Variants in MTG1 observed in about 807,000 individuals in gnomAD.
MTG1 encodes mitochondrial ribosome associated GTPase 1.
A neutral mutation model predicts 39.5 loss-of-function variants in MTG1; 30 were observed. That is an observed-to-expected ratio of 0.76 (90% confidence interval 0.57 to 1.03). The LOEUF is 1.03. MTG1 is among the 50% of genes least tolerant of loss of function. The pLI, the probability that MTG1 is intolerant of heterozygous loss-of-function variation, is 0.00. For missense variants in MTG1, 513 were observed against 447.4 expected, an observed-to-expected ratio of 1.15 and a Z score of -1.32; for synonymous variants, 217 against 179.0, an observed-to-expected ratio of 1.21 and a Z score of -1.69.
intron 9 of MTG1, among the ~76,000 whole-genome samples, chr10:133,414,756 G>A (rs1040909773): frequency 7.9e-5 from 12 of 152,250 alleles, no homozygotes; most frequent in African/African-American, 2.7e-4. Context: ...TCGCTTCCCA[G>A]ATGGGGTGGC....
In MTG1 at chr10:133,402,960, A is replaced by G. The variant is rs560833258; in HGVS notation, c.752+187A>G. 8 of 539,792 alleles carry G rather than the reference A, an allele frequency of 1.5e-5. No homozygotes were observed. The highest frequency in any genetic ancestry group is 1.2e-4 in the East Asian group (4 of 34,072). The allele number at this position is 539,792 out of a possible 1,614,324, so 33.4% of individuals were successfully genotyped here. ...TATACGTCTGTGAAAGCAACACACA[A>G]TCAAGAAAACGAGCGTTCCCGTCAC... On this transcript the variant is annotated intron_variant, in intron 9 of 10. Transcript: ENST00000317502. This position sits in a 1 kb window ranked among gnomAD's most constrained non-coding sequence, Gnocchi z 4.7.
intron 9 of MTG1, among the ~76,000 whole-genome samples, chr10:133,409,407 A>G (rs10857710): frequency 0.046 from 6,995 of 152,238 alleles, 296 homozygotes; most frequent in African/African-American, 0.11. Flanking sequence ...AAGATACTCA[A>G]TAAGATTTTG....
chr10:133,395,964 C>G (rs1055020822), intron 2 of MTG1, among the ~76,000 whole-genome samples, 187 bp downstream of exon 2: 2 of 152,208 alleles, frequency 1.3e-5, no homozygotes, highest in African/African-American at 4.8e-5. Flanking sequence ...ATCTGCGTCA[C>G]TCAAGCCTGA....
At chr10:133,396,439 G>A (rs1197744637) in intron 3 of MTG1, among the ~76,000 whole-genome samples, 172 bp downstream of exon 3, 1 of 152,122 alleles carries the variant, frequency 6.6e-6, no homozygotes, top group African/African-American at 2.4e-5. Flanking sequence ...CTCATATGGC[G>A]TGCCCCCATC....
In MTG1 at chr10:133,395,742, C is replaced by A. The variant is rs750021542; in HGVS notation, c.142C>A (p.Leu48Met). Residue 48 changes from leucine to methionine, a missense_variant, in exon 2 of 11, where the codon CTG becomes ATG. By Grantham distance (15) the Leu-to-Met change is conservative. Transcript: ENST00000317502. ...GLKKMQSSLKLVDCIIEVHDA... is the reference protein window; with the variant it reads ...GLKKMQSSLKMVDCIIEVHDA... ...GAAGAAGATGCAGAGCAGCCTGAAG[C>A]TGGTGGACTGTATCATCGAGGTCCA... 12 of 1,614,036 alleles carry A rather than the reference C, an allele frequency of 7.4e-6. No individual in the cohort carries two copies. Among genetic ancestry groups the A allele is most frequent in the African/African-American group, 1.3e-5 (1 of 74,944 alleles).
intron 9 of MTG1, among the ~76,000 whole-genome samples, chr10:133,411,620 G>A (rs1850047903): frequency 6.6e-6 from 1 of 152,022 alleles, no homozygotes; most frequent in African/African-American, 2.4e-5. Context: ...TCTTGCATGT[G>A]TTCTTCATTC....
intron 1 of MTG1, among the ~76,000 whole-genome samples, chr10:133,395,264 G>A (rs146251668): frequency 0.022 from 3,352 of 152,234 alleles, 44 homozygotes; most frequent in Non-Finnish European, 0.034. Context: ...GCATGGTGGC[G>A]CGTCCCTGTA....
intron 1 of MTG1, among the ~76,000 whole-genome samples, chr10:133,395,125 G>T (rs1439424315): frequency 6.6e-6 from 1 of 152,220 alleles, no homozygotes; most frequent in Non-Finnish European, 1.5e-5. Flanking sequence ...GCCCGGCCCG[G>T]TGGCTCACGC....
At chr10:133,399,033 G>C in intron 4 of MTG1, 137 bp from the exon 5 acceptor site, 1 of 918,650 alleles carries the variant, frequency 1.1e-6, no homozygotes, top group Non-Finnish European at 1.7e-6. Context: ...TTCCAGATAG[G>C]AGGTTTCTGT....
chr10:133,416,223 G>C (rs1244584454), intron 9 of MTG1, among the ~76,000 whole-genome samples: 1 of 151,902 alleles, frequency 6.6e-6, no homozygotes, highest in Non-Finnish European at 1.5e-5. Flanking sequence ...AGTTGAGTTT[G>C]GATCGTTTTA....
At chr10:133,407,901 T>C (rs561282280) in intron 9 of MTG1, among the ~76,000 whole-genome samples, 4 of 152,354 alleles carry the variant, frequency 2.6e-5, no homozygotes, top group African/African-American at 9.6e-5. Context: ...TGCTGCTGAT[T>C]TTTTTATGTT....
At position 133,420,225 on chromosome 10, in the gene MTG1, G is replaced by A; in HGVS notation, c.*60G>A. ...CCTCCCAGACCTCCTGACCTGGGTGGTTGAGGCTCAAGACAGCTCACCCGG... is the reference window on the plus strand; with the variant it reads ...CCTCCCAGACCTCCTGACCTGGGTGATTGAGGCTCAAGACAGCTCACCCGG... On this transcript the variant is annotated 3_prime_UTR_variant, in exon 11 of 11. Transcript: ENST00000317502. The A allele has an allele frequency of 1.3e-6, 2 of 1,538,950 alleles. No homozygotes were observed. Among genetic ancestry groups the A allele is most frequent in the South Asian group, 1.2e-5 (1 of 81,274 alleles).
At chr10:133,401,193 G>A (rs1849869616) in intron 6 of MTG1, among the ~76,000 whole-genome samples, 1 of 152,220 alleles carries the variant, frequency 6.6e-6, no homozygotes, top group African/African-American at 2.4e-5. Flanking sequence ...GACCTCCGCA[G>A]TCTGACAGTG....
In MTG1 at chr10:133,402,522, G is replaced by A; in HGVS notation, c.671-170G>A. ...GTCGCAGGTGCCAGGCAGGAGTGGG[G>A]GCCGGGACCACAGCCGAGTGCCGTC... On this transcript the variant is annotated intron_variant, in intron 8 of 10. Transcript: ENST00000317502. The surrounding 1 kb of genome is among the most constrained non-coding windows in gnomAD (Gnocchi z 4.7). 1 of 720,028 alleles carries A rather than the reference G, an allele frequency of 1.4e-6. No homozygotes were observed. The highest frequency in any genetic ancestry group is 2.3e-6 in the Non-Finnish European group (1 of 434,498). The allele number at this position is 720,028 out of a possible 1,614,324, so 44.6% of individuals were successfully genotyped here. A position where few individuals can be genotyped will look rare whatever the true frequency, so the allele number is the denominator to read the frequency against.
intron 6 of MTG1, among the ~76,000 whole-genome samples, chr10:133,400,683 G>A (rs939821661): frequency 6.6e-6 from 1 of 152,120 alleles, no homozygotes; most frequent in Admixed American, 6.5e-5. Context: ...CATTTATAGG[G>A]TTATGCAGCC....
intron 9 of MTG1, among the ~76,000 whole-genome samples, chr10:133,405,995 C>T (rs938770333): frequency 6.6e-6 from 1 of 152,192 alleles, no homozygotes; most frequent in Admixed American, 6.5e-5. Context: ...TCAACAGCAT[C>T]TGCTATTCTC....
In MTG1 at chr10:133,417,847, A is replaced by G. The variant is rs201790930; in HGVS notation, c.753-1633A>G. 1.2e-3 allele frequency among the ~76,000 whole-genome samples: 180 copies of G among 152,364 alleles called. 1 individual carries two copies. In the East Asian group the frequency reaches 0.02, roughly 17 times the overall value. On this transcript the variant is annotated intron_variant, in intron 9 of 10. Transcript: ENST00000317502. ...GTGAAGGACCTCTTCAAGGAGAACT[A>G]CAAACCACTGCTCAATGAAATAAAA...
Position 133,402,887 on chromosome 10 carries a change from C to T in MTG1, c.752+114C>T, listed in dbSNP as rs1001134602. 9 of 778,180 alleles carry T rather than the reference C, an allele frequency of 1.2e-5. No homozygotes were observed. The highest frequency in any genetic ancestry group is 1.1e-4 in the Admixed American group (4 of 35,650). 48.2% of individuals were successfully genotyped at this position (778,180 alleles called of 1,614,324 possible). A position where few individuals can be genotyped will look rare whatever the true frequency, so the allele number is the denominator to read the frequency against. ...TATAAAGGTATTATAAACACGGTAA[C>T]CTGCACATCGTTTAAAGCGTCCAGT... On this transcript the variant is annotated intron_variant, in intron 9 of 10. Coordinates refer to ENST00000317502, the MANE Select transcript of MTG1 (RefSeq NM_138384.4). This position sits in a 1 kb window ranked among gnomAD's most constrained non-coding sequence, Gnocchi z 4.7.
rs1275390766 is a variant in MTG1 at position 133,420,263 on chromosome 10, A to G, written c.*98A>G. On this transcript the variant is annotated 3_prime_UTR_variant, in exon 11 of 11. Transcript: ENST00000317502. ...ACAGCTCACCCGGTCCAGAAGCTCCATGCTGGTCACTAGGGTGCTGTGCTC... is the reference window on the plus strand; with the variant it reads ...ACAGCTCACCCGGTCCAGAAGCTCCGTGCTGGTCACTAGGGTGCTGTGCTC... 15 of 1,414,854 alleles carry G rather than the reference A, an allele frequency of 1.1e-5. No individual in the cohort carries two copies. The Admixed American group carries it at 1.6e-4, about 15-fold the overall frequency. The allele number at this position is 1,414,854 out of a possible 1,614,324, so 87.6% of individuals were successfully genotyped here. A position where few individuals can be genotyped will look rare whatever the true frequency, so the allele number is the denominator to read the frequency against.
Sources: gnomAD v4.1 joint callset for allele counts (sites outside exome capture counted in the v4.1 genomes callset) on GRCh38, gnomAD v4.1.1 for gene constraint, Gnocchi (gnomAD v3.1) non-coding constraint, MANE v1.5 for transcripts, NCBI Gene and HGNC (gene_info 2026-07-23, HGNC 2026-07-21) for gene names.